The following KIF17 variants were observed in gnomAD, a reference collection of about 807,000 sequenced individuals.
The protein encoded by KIF17 is kinesin-like protein KIF17.
Under a neutral mutation model 96.8 loss-of-function variants are expected in KIF17, and 80 were observed. That is an observed-to-expected ratio of 0.83 (90% CI 0.69 to 1.00). The LOEUF is 1.00. KIF17 is among the 50% of genes least tolerant of loss of function. KIF17 has a pLI of 0.00. For synonymous variants in KIF17, 567 were observed against 587.5 expected, an observed-to-expected ratio of 0.97 and a Z score of 0.51; for missense variants, 1,280 against 1,372.9, an observed-to-expected ratio of 0.93 and a Z score of 1.07.
rs570592270 is a variant in KIF17 at position 20,709,368 on chromosome 1, C to A, written c.670+271G>T. Among the ~76,000 whole-genome samples the A allele has an allele frequency of 6.6e-6, 1 of 152,138 alleles. No homozygotes were observed. The highest frequency in any genetic ancestry group is 1.5e-5 in the Non-Finnish European group (1 of 68,026). ...CACTCCAGCCTGGGTGACAGGGTGA[C>A]ACTTTGTCTCAAAAAACAAATAAAT... On this transcript the variant is annotated intron_variant, in intron 4 of 14. Transcript: ENST00000400463. The surrounding 1 kb of genome is among the most constrained non-coding windows in gnomAD (Gnocchi z 4.7).
At chr1:20,706,820 T>C (rs1275445065) in intron 4 of KIF17, among the ~76,000 whole-genome samples, 1 of 150,964 alleles carries the variant, frequency 6.6e-6, no homozygotes, top group African/African-American at 2.4e-5. Flanking sequence ...GCCTAGGAGG[T>C]TAAGGTTGCA....
In KIF17 at chr1:20,685,559, G is replaced by A. The variant is rs997187220; in HGVS notation, c.2019+487C>T. Among the ~76,000 whole-genome samples, 10 of 151,840 alleles carry A rather than the reference G, an allele frequency of 6.6e-5. No homozygotes were observed. Among genetic ancestry groups the A allele is most frequent in the Non-Finnish European group, 1.3e-4 (9 of 67,982 alleles). On this transcript the variant is annotated intron_variant, in intron 9 of 14. Coordinates refer to ENST00000400463, the MANE Select transcript of KIF17 (RefSeq NM_001122819.3). The surrounding 1 kb of genome is among the most constrained non-coding windows in gnomAD (Gnocchi z 4.1). ...GTCACTTCCTAGCCAGGGCTGCCCC[G>A]GCTGCTCCATCTACGCCCTGCTGAG...
chr1:20,705,194 G>C (rs1201862916), intron 4 of KIF17, among the ~76,000 whole-genome samples: 1 of 152,230 alleles, frequency 6.6e-6, no homozygotes, highest in Non-Finnish European at 1.5e-5. Flanking sequence ...ACCATTCTGA[G>C]TGCAATAGGG....
intron 8 of KIF17, chr1:20,686,521 G>A (rs1464177376): frequency 7.6e-6 from 2 of 262,758 alleles, no homozygotes; most frequent in African/African-American, 2.2e-5. Flanking sequence ...CACACACAGA[G>A]GAAAGGAAAG....
At chr1:20,696,197 C>G (rs1244382186) in intron 6 of KIF17, among the ~76,000 whole-genome samples, 1 of 152,144 alleles carries the variant, frequency 6.6e-6, no homozygotes, top group East Asian at 1.9e-4. Context: ...GAACCCGGCT[C>G]CTGGCCCGTG....
At chr1:20,663,055 G>T (rs2053463736), downstream of KIF17, among the ~76,000 whole-genome samples, 1 of 152,006 alleles carries the variant, frequency 6.6e-6, no homozygotes, top group Non-Finnish European at 1.5e-5. Flanking sequence ...TGGTGAAACC[G>T]CATCTCTAAT....
At position 20,717,788 on chromosome 1, in the gene KIF17, G is replaced by A. The variant is rs2054609857; in HGVS notation, c.-82C>T. The A allele has an allele frequency of 5.2e-6, 7 of 1,356,800 alleles. No homozygotes were observed. The South Asian group carries it at 1.1e-4, about 21-fold the overall frequency. 84.0% of individuals were successfully genotyped at this position (1,356,800 alleles called of 1,614,324 possible). On this transcript the variant is annotated 5_prime_UTR_variant, in exon 1 of 15. Coordinates refer to ENST00000400463, the MANE Select transcript of KIF17 (RefSeq NM_001122819.3). ...CCAGCAGCCCGGGCCAAGGGGCGGG[G>A]CCAGCGCCGGCCACGGGGGGCGGGG... is the stretch of plus-strand genomic sequence containing the variant.
rs1447957799 is a variant in KIF17, at chr1:20,712,696, GATA to G, written c.480+755_480+757del. Among the ~76,000 whole-genome samples the G allele has an allele frequency of 1.3e-4, 10 of 78,622 alleles. 1 individual carries two copies. The highest frequency in any genetic ancestry group is 3.3e-4 in the East Asian group (1 of 3,018). 51.6% of individuals were successfully genotyped at this position (78,622 alleles called of 152,430 possible). ...GATAATATTATCTATATATAATATA[GATA>G]ATATTATCTATATATAAAATTATAT... is the stretch of plus-strand genomic sequence containing the variant. On this transcript the variant is annotated intron_variant, in intron 3 of 14. Coordinates refer to ENST00000400463, the MANE Select transcript of KIF17 (RefSeq NM_001122819.3).
chr1:20,676,063 C>A (rs990306087), intron 11 of KIF17, among the ~76,000 whole-genome samples: 10 of 152,018 alleles, frequency 6.6e-5, no homozygotes, highest in African/African-American at 2.4e-4. Context: ...AAGACAATAT[C>A]GAAGCAGCTC....
chr1:20,675,196 C>T (rs2053717279), intron 11 of KIF17, among the ~76,000 whole-genome samples: 1 of 150,094 alleles, frequency 6.7e-6, no homozygotes, highest in African/African-American at 2.5e-5. Context: ...GCCTATAATC[C>T]CAGCACTTTG....
Position 20,687,237 on chromosome 1 carries a change from C to A in KIF17, c.1938+151G>T. 1.2e-6 allele frequency: 1 copy of A among 837,082 alleles called. No individual in the cohort carries two copies. The highest frequency in any genetic ancestry group is 2.5e-5 in the East Asian group (1 of 40,362). The allele number at this position is 837,082 out of a possible 1,614,324, so 51.9% of individuals were successfully genotyped here. On this transcript the variant is annotated intron_variant, in intron 8 of 14. Transcript: ENST00000400463. This position sits in a 1 kb window ranked among gnomAD's most constrained non-coding sequence, Gnocchi z 4.4. ...TGGACACCAGTGCCCCTGAGCCAGC[C>A]ACCAGTGCCAGAGCCGCAGCAGACA...
intron 2 of KIF17, among the ~76,000 whole-genome samples, chr1:20,714,326 CAA>C (rs934872808): frequency 2.3e-5 from 3 of 130,722 alleles, no homozygotes; most frequent in African/African-American, 2.9e-5. Flanking sequence ...GACTCCGTCT[CAA>C]AAAAAAAAAA....
In KIF17 at chr1:20,664,256, G is replaced by C; in HGVS notation, c.*328C>G. The C allele has an allele frequency of 9.3e-7, 1 of 1,072,700 alleles. No individual in the cohort carries two copies. The highest frequency in any genetic ancestry group is 1.2e-6 in the Non-Finnish European group (1 of 818,676). The allele number at this position is 1,072,700 out of a possible 1,614,324, so 66.4% of individuals were successfully genotyped here. A position where few individuals can be genotyped will look rare whatever the true frequency, so the allele number is the denominator to read the frequency against. On this transcript the variant is annotated 3_prime_UTR_variant, in exon 15 of 15. Coordinates refer to ENST00000400463, the MANE Select transcript of KIF17 (RefSeq NM_001122819.3). ...CATCAGGGCTGGTGAAGGCCGTGAA[G>C]CAGGTCTCAGGCTTTGAGGCAAAGA...
chr1:20,686,257 C>T, intron 8 of KIF17, 131 bp from the exon 9 acceptor site: 1 of 748,006 alleles, frequency 1.3e-6, no homozygotes, highest in Non-Finnish European at 2.4e-6. Context: ...CTGCCTGTCA[C>T]TCCCGAGAGA....
At chr1:20,671,805 C>G in intron 12 of KIF17, 133 bp downstream of exon 12, 4 of 1,084,158 alleles carry the variant, frequency 3.7e-6, no homozygotes, top group Non-Finnish European at 4.0e-6. Flanking sequence ...AGAGTCCTGA[C>G]GCATCAGGTA....
At position 20,704,437 on chromosome 1, in the gene KIF17, G is replaced by C. The variant is rs762235245; in HGVS notation, c.1123+10C>G. 3.7e-6 allele frequency: 6 copies of C among 1,611,686 alleles called. No individual in the cohort carries two copies. The highest frequency in any genetic ancestry group is 5.1e-6 in the Non-Finnish European group (6 of 1,178,452). On this transcript the variant is annotated intron_variant, in intron 5 of 14. Transcript: ENST00000400463. The surrounding 1 kb of genome is among the most constrained non-coding windows in gnomAD (Gnocchi z 6.8). ...CTGGCCCTCCCGCCACTACCCCAAC[G>C]TGGTCCCACCTGACAGGCTGCTGGG...
intron 11 of KIF17, among the ~76,000 whole-genome samples, chr1:20,680,894 T>TG (rs2053817600): frequency 6.6e-6 from 1 of 151,758 alleles, no homozygotes; most frequent in Middle Eastern, 3.2e-3. Context: ...GAGGCTGAGG[T>TG]GGGCGAATCA....
At position 20,664,338 on chromosome 1, in the gene KIF17, G is replaced by T. The variant is rs2053486014; in HGVS notation, c.*246C>A. On this transcript the variant is annotated 3_prime_UTR_variant, in exon 15 of 15. Transcript: ENST00000400463. The stretch of plus-strand genomic sequence containing the variant: ...TGGCAGGTGAGCAGACGGAAACACT[G>T]ATGTGGTATGAACAGCTGGAGCAGG... 2.1e-6 allele frequency: 3 copies of T among 1,411,020 alleles called. No homozygotes were observed. In the African/African-American group the frequency reaches 4.3e-5, roughly 20 times the overall value. The allele number at this position is 1,411,020 out of a possible 1,614,324, so 87.4% of individuals were successfully genotyped here.
rs1017954488 is a variant in KIF17, at chr1:20,672,455, G to A, written c.2464-259C>T. 6.6e-6 allele frequency among the ~76,000 whole-genome samples: 1 copy of A among 152,054 alleles called. No individual in the cohort carries two copies. The highest frequency in any genetic ancestry group is 2.4e-5 in the African/African-American group (1 of 41,382). On this transcript the variant is annotated intron_variant, in intron 11 of 14. Transcript: ENST00000400463. This position sits in a 1 kb window ranked among gnomAD's most constrained non-coding sequence, Gnocchi z 4.3. Reference sequence around the variant, plus strand: ...CCCAGCATTTAAATGAGCACCTAATGTGTCCCCCCAGCCCTGCAAAATGTA... The same window carrying A: ...CCCAGCATTTAAATGAGCACCTAATATGTCCCCCCAGCCCTGCAAAATGTA...
Sources: allele counts gnomAD v4.1 joint callset (sites outside exome capture counted in the v4.1 genomes callset), GRCh38; gene constraint gnomAD v4.1.1; non-coding constraint Gnocchi (gnomAD v3.1); transcripts MANE v1.5; gene names NCBI Gene and HGNC (gene_info 2026-07-23, HGNC 2026-07-21).